The following CDC73 variants were observed in gnomAD, a reference collection of about 807,000 sequenced individuals.
CDC73 encodes the protein parafibromin.
CDC73 carries 21 observed loss-of-function variants against 83.7 expected under a neutral mutation model. The ratio of observed to expected loss-of-function variants is 0.25; its 90% CI spans 0.18 to 0.36. The LOEUF (loss-of-function observed/expected upper bound fraction) is 0.36, where lower values mean the gene tolerates loss of function less well. Ranked by LOEUF, CDC73 falls within the 10% of genes least tolerant of loss-of-function variation. CDC73 has a pLI of 1.00. For missense variants in CDC73, 342 were observed against 653.3 expected (o/e 0.52, Z 5.19); for synonymous variants, 224 against 212.9 (o/e 1.05, Z -0.45).
rs138751019 is a variant in CDC73, at chr1:193,207,461, C to T, written c.1030+3609C>T. Among the ~76,000 whole-genome samples, 811 of 152,198 alleles carry T rather than the reference C, an allele frequency of 5.3e-3. 4 individuals carry two copies. Among genetic ancestry groups the T allele is most frequent in the South Asian group, 0.011 (55 of 4,830 alleles). On this transcript the variant is annotated intron_variant, in intron 11 of 16. Transcript: ENST00000367435. ...TTGAGGGTACTGCAGGAGTCCAGGG[C>T]GTATTTCAGTCCTTATCTCAACCAC...
chr1:193,169,255 G>A (rs988231165), intron 10 of CDC73, among the ~76,000 whole-genome samples: 22 of 152,144 alleles, frequency 1.4e-4, no homozygotes, highest in African/African-American at 5.3e-4. Flanking sequence ...TTAAATTTGT[G>A]AGAATGATGC....
chr1:193,160,470 CTT>C (rs1437926588), intron 10 of CDC73, among the ~76,000 whole-genome samples: 2 of 152,078 alleles, frequency 1.3e-5, no homozygotes, highest in African/African-American at 4.8e-5. Context: ...CATATATTCT[CTT>C]ATAGTTTAGT....
At chr1:193,141,489 C>T (rs1675905246) in intron 6 of CDC73, among the ~76,000 whole-genome samples, 1 of 151,996 alleles carries the variant, frequency 6.6e-6, no homozygotes, top group Non-Finnish European at 1.5e-5. Flanking sequence ...GATTTTTTAC[C>T]TCCTTCCAAA....
chr1:193,231,988 A>G (rs1677669732), intron 13 of CDC73, among the ~76,000 whole-genome samples: 1 of 152,172 alleles, frequency 6.6e-6, no homozygotes, highest in South Asian at 2.1e-4. Context: ...ATATTTAGAA[A>G]ATAAGACTTT....
At chr1:193,217,113 C>G (rs914034404) in intron 13 of CDC73, among the ~76,000 whole-genome samples, 1 of 152,104 alleles carries the variant, frequency 6.6e-6, no homozygotes, top group Non-Finnish European at 1.5e-5. Context: ...CCAGGGCTTG[C>G]GGTGGGGGTG....
At chr1:193,170,921 G>C (rs1401039212) in intron 10 of CDC73, among the ~76,000 whole-genome samples, 1 of 152,142 alleles carries the variant, frequency 6.6e-6, no homozygotes, top group South Asian at 2.1e-4. Context: ...ACATTTTGTG[G>C]GAGATGCATT....
intron 15 of CDC73, among the ~76,000 whole-genome samples, chr1:193,241,994 G>A (rs1677870397): frequency 6.6e-6 from 1 of 152,004 alleles, no homozygotes; most frequent in African/African-American, 2.4e-5. Context: ...GTTGGTGGCT[G>A]TGATTGGGAG....
chr1:193,156,674 G>A (rs1676212545), intron 10 of CDC73, among the ~76,000 whole-genome samples: 1 of 152,046 alleles, frequency 6.6e-6, no homozygotes, highest in African/African-American at 2.4e-5. Flanking sequence ...TTTGGTTATT[G>A]ATTAATTTGT....
chr1:193,141,835 A>G lies in CDC73; in HGVS notation c.513-15A>G. On this transcript the variant is annotated splice_polypyrimidine_tract_variant and intron_variant, in intron 6 of 16. Transcript: ENST00000367435. ...AATGCCTGCTGTGAAAATTTAAAAA[A>G]GAAATTGCTTTTAGGTCTTTGTCTG... The G allele has an allele frequency of 6.3e-7, 1 of 1,581,808 alleles. No individual in the cohort carries two copies. Among genetic ancestry groups the G allele is most frequent in the Non-Finnish European group, 8.7e-7 (1 of 1,152,728 alleles).
At chr1:193,204,277 G>A (rs1167521707) in intron 11 of CDC73, among the ~76,000 whole-genome samples, 36 of 131,270 alleles carry the variant, frequency 2.7e-4, no homozygotes, top group East Asian at 6.4e-4. Context: ...GTGTGTGTGT[G>A]TATATATATA....
intron 13 of CDC73, among the ~76,000 whole-genome samples, chr1:193,219,618 C>T (rs771615612): frequency 6.6e-6 from 1 of 152,058 alleles, no homozygotes; most frequent in Non-Finnish European, 1.5e-5. Flanking sequence ...AGCCATTATC[C>T]TAACAAATTA....
chr1:193,140,395 A>G (rs1020960702), intron 6 of CDC73, among the ~76,000 whole-genome samples: 2 of 152,160 alleles, frequency 1.3e-5, no homozygotes, highest in Non-Finnish European at 2.9e-5. Context: ...GTAGTCCCCC[A>G]TCCACCCTCT....
At chr1:193,174,429 A>C (rs1676570158) in intron 10 of CDC73, among the ~76,000 whole-genome samples, 1 of 152,164 alleles carries the variant, frequency 6.6e-6, no homozygotes, top group Admixed American at 6.5e-5. Context: ...TCCAGTACTG[A>C]GAACAGAGTA....
rs1677131157 is a variant in CDC73 at position 193,203,766 on chromosome 1, C to CT, written c.973-27dup. 1.9e-6 allele frequency: 3 copies of CT among 1,552,420 alleles called. No homozygotes were observed. In the African/African-American group the frequency reaches 4.1e-5, roughly 21 times the overall value. ...GTTTATTATGTAAAGAAACTTTGAT[C>CT]TTATATATCAATTCTTATTCTTTTA... On this transcript the variant is annotated intron_variant, in intron 10 of 16. Coordinates refer to ENST00000367435, the MANE Select transcript of CDC73 (RefSeq NM_024529.5).
At chr1:193,129,833 C>A (rs1453856659) in intron 2 of CDC73, among the ~76,000 whole-genome samples, 4 of 152,142 alleles carry the variant, frequency 2.6e-5, no homozygotes, top group Admixed American at 2.6e-4. Context: ...TTAAAAGTAA[C>A]ATGTTTAATA....
intron 7 of CDC73, among the ~76,000 whole-genome samples, chr1:193,143,463 T>A (rs1396059510): frequency 6.6e-6 from 1 of 152,130 alleles, no homozygotes; most frequent in Non-Finnish European, 1.5e-5. Flanking sequence ...TTCAAGTAAC[T>A]GAAGTGAACA....
intron 11 of CDC73, among the ~76,000 whole-genome samples, chr1:193,210,107 G>A (rs970077262): frequency 2.6e-5 from 4 of 151,996 alleles, no homozygotes; most frequent in African/African-American, 7.2e-5. Flanking sequence ...TTTTTTCTCA[G>A]CAAGAAGAAA....
chr1:193,143,423 C>G (rs1173636600), intron 7 of CDC73, among the ~76,000 whole-genome samples: 2 of 152,064 alleles, frequency 1.3e-5, no homozygotes, highest in Non-Finnish European at 2.9e-5. Flanking sequence ...GTGATATACC[C>G]TACCTAACTT....
chr1:193,198,080 A>G (rs989077680), intron 10 of CDC73, among the ~76,000 whole-genome samples: 4 of 152,194 alleles, frequency 2.6e-5, no homozygotes, highest in African/African-American at 9.7e-5. Context: ...ATCCTAAGGC[A>G]AATATATTTG....
Sources: allele counts gnomAD v4.1 joint callset (sites outside exome capture counted in the v4.1 genomes callset), GRCh38; gene constraint gnomAD v4.1.1; transcripts MANE v1.5; gene names NCBI Gene and HGNC (gene_info 2026-07-23, HGNC 2026-07-21).